Variants in L3MBTL4 observed in about 807,000 individuals in gnomAD.
L3MBTL4 encodes L3MBTL histone methyl-lysine binding protein 4.
Under a neutral mutation model 84.5 loss-of-function variants are expected in L3MBTL4, and 70 were observed. That is an observed-to-expected ratio of 0.83 (90% CI 0.68 to 1.01). The LOEUF is 1.01. Ranked by LOEUF, L3MBTL4 falls within the 50% of genes least tolerant of loss-of-function variation. The pLI is 0.00. For missense variants in L3MBTL4, 715 were observed against 754.8 expected (o/e 0.95, Z 0.62); for synonymous variants, 274 against 259.8 (o/e 1.05, Z -0.52).
At chr18:6,282,590 G>A in intron 4 of L3MBTL4, among the ~76,000 whole-genome samples, 1 of 152,164 alleles carries the variant, frequency 6.6e-6, no homozygotes, top group Non-Finnish European at 1.5e-5. Context: ...AGACCGGAAA[G>A]GGCAAGATGC....
At chr18:6,144,524 C>T (rs549542739) in intron 13 of L3MBTL4, among the ~76,000 whole-genome samples, 1 of 152,304 alleles carries the variant, frequency 6.6e-6, no homozygotes, top group African/African-American at 2.4e-5. Flanking sequence ...ATGCTTTACC[C>T]TAACATGATA....
At chr18:6,316,426 G>A (rs147886122) in intron 1 of L3MBTL4, among the ~76,000 whole-genome samples, 15 of 152,326 alleles carry the variant, frequency 9.8e-5, no homozygotes, top group African/African-American at 3.6e-4. Context: ...CTGCTCACGG[G>A]AAGTTTCTTT....
At chr18:6,095,039 T>C (rs2058584785) in intron 14 of L3MBTL4, among the ~76,000 whole-genome samples, 1 of 152,194 alleles carries the variant, frequency 6.6e-6, no homozygotes, top group African/African-American at 2.4e-5. Context: ...ATAGAGAATA[T>C]AAATTCAGTG....
intron 4 of L3MBTL4, among the ~76,000 whole-genome samples, chr18:6,282,182 A>T (rs918887799): frequency 1.8e-4 from 28 of 152,262 alleles, no homozygotes; most frequent in Admixed American, 1.2e-3. Context: ...CCTACTGTGT[A>T]CTAGGCTCTA....
At chr18:6,209,734 C>T (rs1018145864) in intron 12 of L3MBTL4, among the ~76,000 whole-genome samples, 1 of 152,114 alleles carries the variant, frequency 6.6e-6, no homozygotes, top group Non-Finnish European at 1.5e-5. Context: ...CCAAAATAAA[C>T]AACCCAAATG....
intron 16 of L3MBTL4, among the ~76,000 whole-genome samples, chr18:6,041,188 C>T (rs888969550): frequency 1.3e-5 from 2 of 152,234 alleles, no homozygotes; most frequent in Non-Finnish European, 2.9e-5. Context: ...CTGCCCAGTA[C>T]ATGCAGTCTA....
At chr18:5,997,308 C>T (rs1302871567) in intron 16 of L3MBTL4, among the ~76,000 whole-genome samples, 1 of 150,846 alleles carries the variant, frequency 6.6e-6, no homozygotes, top group Non-Finnish European at 1.5e-5. Flanking sequence ...TATTCCTAAA[C>T]AAAATAGTGA....
At chr18:6,022,030 A>G (rs1346134502) in intron 16 of L3MBTL4, among the ~76,000 whole-genome samples, 1 of 152,176 alleles carries the variant, frequency 6.6e-6, no homozygotes, top group African/African-American at 2.4e-5. Flanking sequence ...TCTCAGATGT[A>G]ACTTCTGTAC....
chr18:6,389,777 A>T (rs1484827406), intron 1 of L3MBTL4, among the ~76,000 whole-genome samples: 1 of 152,182 alleles, frequency 6.6e-6, no homozygotes, highest in Non-Finnish European at 1.5e-5. Context: ...TGCACCTAAC[A>T]CTGGAGCTCC....
At chr18:6,088,294 G>T (rs2058328173) in intron 15 of L3MBTL4, among the ~76,000 whole-genome samples, 1 of 152,150 alleles carries the variant, frequency 6.6e-6, no homozygotes, top group African/African-American at 2.4e-5. Context: ...ACCATCCTTG[G>T]CACCTAGTAG....
At chr18:6,194,825 G>A (rs1316984250) in intron 12 of L3MBTL4, among the ~76,000 whole-genome samples, 1 of 152,210 alleles carries the variant, frequency 6.6e-6, no homozygotes, top group Non-Finnish European at 1.5e-5. Flanking sequence ...CCCTGCCCAG[G>A]TCCTTGGGGT....
At chr18:6,102,167 C>T (rs892583228) in intron 14 of L3MBTL4, among the ~76,000 whole-genome samples, 3 of 152,192 alleles carry the variant, frequency 2.0e-5, no homozygotes, top group Non-Finnish European at 4.4e-5. Flanking sequence ...TAAAATTGGG[C>T]TATTTCATGC....
At chr18:6,182,701 T>C (rs1437522359) in intron 12 of L3MBTL4, among the ~76,000 whole-genome samples, 2 of 152,236 alleles carry the variant, frequency 1.3e-5, no homozygotes, top group East Asian at 3.8e-4. Flanking sequence ...TAATCCATCT[T>C]GAGTTTATTT....
chr18:6,060,038 C>T (rs2057154458), intron 16 of L3MBTL4, among the ~76,000 whole-genome samples: 1 of 152,146 alleles, frequency 6.6e-6, no homozygotes, highest in Admixed American at 6.5e-5. Context: ...TTATCAATAA[C>T]AGATGCAATA....
chr18:6,179,449 C>T (rs1309210337), intron 12 of L3MBTL4, among the ~76,000 whole-genome samples: 3 of 152,176 alleles, frequency 2.0e-5, no homozygotes, highest in Non-Finnish European at 4.4e-5. Context: ...TATAGTTCAT[C>T]TTACTTCCTG....
intron 12 of L3MBTL4, among the ~76,000 whole-genome samples, chr18:6,203,268 T>C (rs1282893014): frequency 6.6e-6 from 1 of 152,124 alleles, no homozygotes; most frequent in Non-Finnish European, 1.5e-5. Context: ...AAAAACAGGC[T>C]AGATAGGGAA....
At chr18:6,273,935 A>G (rs2048976494) in intron 4 of L3MBTL4, among the ~76,000 whole-genome samples, 1 of 152,246 alleles carries the variant, frequency 6.6e-6, no homozygotes, top group Non-Finnish European at 1.5e-5. Flanking sequence ...AACTTGTTAG[A>G]AACGCAAATG....
intron 5 of L3MBTL4, among the ~76,000 whole-genome samples, chr18:6,253,157 A>T (rs1473821221): frequency 6.6e-6 from 1 of 152,148 alleles, no homozygotes; most frequent in Non-Finnish European, 1.5e-5. Flanking sequence ...AGCCAAGATC[A>T]CACCACTGCA....
intron 16 of L3MBTL4, among the ~76,000 whole-genome samples, chr18:5,994,385 C>T (rs1045746486): frequency 2.0e-5 from 3 of 152,188 alleles, no homozygotes; most frequent in Non-Finnish European, 4.4e-5. Flanking sequence ...ATCTCTCAGA[C>T]ACCTTAGAAA....
Sources: allele counts gnomAD v4.1 joint callset (sites outside exome capture counted in the v4.1 genomes callset), GRCh38; gene constraint gnomAD v4.1.1; transcripts MANE v1.5; gene names NCBI Gene and HGNC (gene_info 2026-07-23, HGNC 2026-07-21).